Variants in CYREN observed in about 807,000 individuals in gnomAD.
CYREN encodes the protein cell cycle regulator of NHEJ.
CYREN carries 7 observed loss-of-function variants against 9.7 expected under a neutral mutation model. The observed-to-expected ratio is 0.72, with a 90% CI of 0.41 to 1.36. CYREN has a LOEUF of 1.36. Among genes scored for constraint, CYREN ranks in the 40% most tolerant of loss-of-function variants. CYREN has a pLI of 0.01. For missense variants in CYREN, 215 were observed against 198.1 expected (o/e 1.09, Z -0.51); for synonymous variants, 76 against 77.9 (o/e 0.98, Z 0.13).
At chr7:135,138,234 C>T (rs1014754063) in intron 2 of CYREN, among the ~76,000 whole-genome samples, 1 of 150,742 alleles carries the variant, frequency 6.6e-6, no homozygotes, top group African/African-American at 2.4e-5. Flanking sequence ...TTCTGGCCTA[C>T]GTAAACAAAG....
chr7:135,095,316 CTCCAGT>C (rs1822500103), intron 2 of CYREN, among the ~76,000 whole-genome samples: 1 of 152,128 alleles, frequency 6.6e-6, no homozygotes, highest in Non-Finnish European at 1.5e-5. Flanking sequence ...ACCAACATGA[CTCCAGT>C]ATAATAACAG....
intron 2 of CYREN, among the ~76,000 whole-genome samples, chr7:135,157,887 CA>C (rs1829834505): frequency 6.6e-6 from 1 of 152,270 alleles, no homozygotes; most frequent in African/African-American, 2.4e-5. Context: ...ATTAAACTCT[CA>C]AAATGGTGCC....
chr7:135,132,203 A>C (rs924631460), intron 2 of CYREN, among the ~76,000 whole-genome samples: 12 of 152,286 alleles, frequency 7.9e-5, no homozygotes, highest in South Asian at 6.2e-4. Flanking sequence ...ACAAGGGCAA[A>C]ACAAAAAAGG....
At chr7:135,100,313 A>G (rs1168245267) in intron 2 of CYREN, among the ~76,000 whole-genome samples, 1 of 152,196 alleles carries the variant, frequency 6.6e-6, no homozygotes, top group Non-Finnish European at 1.5e-5. Flanking sequence ...GGATAAAACT[A>G]ATACTAAAAA....
intron 2 of CYREN, among the ~76,000 whole-genome samples, chr7:135,096,894 T>C (rs1482246530): frequency 1.3e-5 from 2 of 152,042 alleles, no homozygotes; most frequent in African/African-American, 4.8e-5. Flanking sequence ...TGACAAAATA[T>C]GCAGAAAAGA....
intron 2 of CYREN, among the ~76,000 whole-genome samples, chr7:135,156,053 A>G (rs1272267825): frequency 1.3e-5 from 2 of 151,266 alleles, no homozygotes; most frequent in Non-Finnish European, 2.9e-5. Context: ...TCCCTTTAGC[A>G]CTTTGAAAAT....
intron 2 of CYREN, among the ~76,000 whole-genome samples, chr7:135,140,652 A>T (rs1011993176): frequency 5.3e-5 from 8 of 152,010 alleles, no homozygotes; most frequent in Non-Finnish European, 1.0e-4. Context: ...TTTCAAAGGG[A>T]ATGCTTCCAG....
intron 2 of CYREN, among the ~76,000 whole-genome samples, chr7:135,149,663 TAAC>T (rs1466223480): frequency 6.6e-6 from 1 of 152,258 alleles, no homozygotes; most frequent in Non-Finnish European, 1.5e-5. Flanking sequence ...AATGCCAGTT[TAAC>T]CATATTTTTG....
intron 2 of CYREN, among the ~76,000 whole-genome samples, chr7:135,147,012 G>C (rs112429761): frequency 5.3e-5 from 8 of 152,100 alleles, no homozygotes; most frequent in African/African-American, 1.2e-4. Flanking sequence ...TTAATTTTCT[G>C]TCTTAAAGGC....
At chr7:135,098,109 T>C (rs578079747) in intron 2 of CYREN, among the ~76,000 whole-genome samples, 22 of 152,246 alleles carry the variant, frequency 1.4e-4, no homozygotes, top group Non-Finnish European at 2.2e-4. Context: ...TCTACCAAAA[T>C]AGGTCTACAG....
At chr7:135,098,894 T>C (rs1823330508) in intron 2 of CYREN, among the ~76,000 whole-genome samples, 1 of 152,116 alleles carries the variant, frequency 6.6e-6, no homozygotes, top group Non-Finnish European at 1.5e-5. Context: ...TAATATGACA[T>C]ATAAAACTTA....
intron 2 of CYREN, chr7:135,135,412 C>A: frequency 2.0e-6 from 1 of 492,758 alleles, no homozygotes; most frequent in Non-Finnish European, 3.3e-6. Context: ...GATATCCCAT[C>A]TTCTGTAGTG....
chr7:135,141,171 T>C (rs1295813547), intron 2 of CYREN, among the ~76,000 whole-genome samples: 1 of 152,130 alleles, frequency 6.6e-6, no homozygotes, highest in Non-Finnish European at 1.5e-5. Context: ...AATTCAGCCA[T>C]GAATCTGTAT....
intron 2 of CYREN, among the ~76,000 whole-genome samples, chr7:135,104,127 C>G (rs1289736127): frequency 1.3e-5 from 2 of 152,042 alleles, no homozygotes; most frequent in Non-Finnish European, 2.9e-5. Flanking sequence ...TCCCTATGTT[C>G]TCATAATTTG....
intron 1 of CYREN, chr7:135,169,626 C>G (rs189405537): frequency 5.3e-5 from 8 of 152,306 alleles, no homozygotes; most frequent in African/African-American, 1.7e-4. Context: ...TCTGTAGATT[C>G]TGAAGCCCAC....
At chr7:135,103,333 T>C (rs1268362751) in intron 2 of CYREN, among the ~76,000 whole-genome samples, 1 of 152,232 alleles carries the variant, frequency 6.6e-6, no homozygotes, top group Non-Finnish European at 1.5e-5. Context: ...CTAGTCTCTC[T>C]ATATTCGGGA....
Position 135,168,775 on chromosome 7 carries a change from A to T in CYREN, c.137+11T>A. On this transcript the variant is annotated intron_variant, in intron 2 of 3. Transcript: ENST00000393114. ...AGATTCGCAGGAGTCTTCTGACCAG[A>T]GCTGTCGCACCTTGCTGCTGCCACT... The T allele has an allele frequency of 6.2e-7, 1 of 1,613,032 alleles. No homozygotes were observed. The highest frequency in any genetic ancestry group is 8.5e-7 in the Non-Finnish European group (1 of 1,179,506).
chr7:135,152,671 CA>C (rs1562922140), intron 2 of CYREN: 3 of 152,188 alleles, frequency 2.0e-5, no homozygotes, highest in African/African-American at 7.2e-5. Flanking sequence ...AGACACCTTC[CA>C]CTGATCAAAG....
At chr7:135,142,453 G>T (rs1347800548) in intron 2 of CYREN, among the ~76,000 whole-genome samples, 1 of 152,124 alleles carries the variant, frequency 6.6e-6, no homozygotes, top group Non-Finnish European at 1.5e-5. Context: ...AAGTGTTGGG[G>T]TTGCAAAAGT....
Sources: gnomAD v4.1 joint callset for allele counts (sites outside exome capture counted in the v4.1 genomes callset) on GRCh38, gnomAD v4.1.1 for gene constraint, MANE v1.5 for transcripts, NCBI Gene and HGNC (gene_info 2026-07-23, HGNC 2026-07-21) for gene names.